The following PDSS2 variants were observed in gnomAD, a reference collection of about 807,000 sequenced individuals.
PDSS2 encodes all trans-polyprenyl-diphosphate synthase PDSS2.
A neutral mutation model predicts 44.5 loss-of-function variants in PDSS2; 31 were observed. The ratio of observed to expected loss-of-function variants is 0.70; its 90% CI spans 0.52 to 0.94. The LOEUF (loss-of-function observed/expected upper bound fraction) is 0.94, where lower values mean the gene tolerates loss of function less well. Ranked by LOEUF, PDSS2 falls within the 40% of genes least tolerant of loss-of-function variation. The probability of loss-of-function intolerance (pLI) is 0.00; values close to 1 mark genes in which losing one functional copy is unlikely to be tolerated. For synonymous variants in PDSS2, 157 were observed against 180.3 expected (o/e 0.87, Z 1.03); for missense variants, 452 against 482.2 (o/e 0.94, Z 0.59).
intron 2 of PDSS2, among the ~76,000 whole-genome samples, chr6:107,306,236 G>C (rs1432340362): frequency 6.6e-6 from 1 of 152,178 alleles, no homozygotes; most frequent in African/African-American, 2.4e-5. Flanking sequence ...CCCATGTGTT[G>C]TGGGAGGGAC....
chr6:107,237,063 G>T (rs115382150), intron 4 of PDSS2, among the ~76,000 whole-genome samples: 1 of 151,802 alleles, frequency 6.6e-6, no homozygotes, highest in African/African-American at 2.4e-5. Context: ...AGCCTCCCAA[G>T]TAGTTGGGAC....
chr6:107,156,911 TCCCATTGCCA>T (rs1430558039), intron 7 of PDSS2, among the ~76,000 whole-genome samples: 9 of 152,248 alleles, frequency 5.9e-5, no homozygotes, highest in Non-Finnish European at 1.0e-4. Flanking sequence ...TACTCCTCAT[TCCCATTGCCA>T]CTACATTAGT....
chr6:107,387,222 T>C (rs1779639605), intron 1 of PDSS2, among the ~76,000 whole-genome samples: 1 of 152,190 alleles, frequency 6.6e-6, no homozygotes, highest in African/African-American at 2.4e-5. Context: ...ACCAGAAAGA[T>C]TGGTTGACTG....
intron 3 of PDSS2, 133 bp downstream of exon 3, chr6:107,273,896 C>A: frequency 2.7e-6 from 2 of 733,414 alleles, no homozygotes; most frequent in Non-Finnish European, 4.9e-6. Context: ...TTATGTTCAT[C>A]ACAGTTTTAC....
intron 7 of PDSS2, among the ~76,000 whole-genome samples, chr6:107,190,465 T>C (rs1180408079): frequency 6.6e-6 from 1 of 152,154 alleles, no homozygotes; most frequent in East Asian, 1.9e-4. Context: ...GTACCAGATA[T>C]ACTAAGAGAA....
At chr6:107,162,687 C>T (rs1480304425) in intron 7 of PDSS2, among the ~76,000 whole-genome samples, 3 of 143,800 alleles carry the variant, frequency 2.1e-5, no homozygotes, top group Non-Finnish European at 3.0e-5. Context: ...AGCTCTGCAC[C>T]TCTGCCTCCT....
intron 7 of PDSS2, among the ~76,000 whole-genome samples, chr6:107,185,926 C>T (rs924985077): frequency 6.6e-6 from 1 of 152,198 alleles, no homozygotes; most frequent in Non-Finnish European, 1.5e-5. Context: ...TGCACTGGAG[C>T]AAAAGTGTTA....
intron 2 of PDSS2, among the ~76,000 whole-genome samples, chr6:107,326,439 T>G (rs2115196292): frequency 6.6e-6 from 1 of 152,046 alleles, no homozygotes; most frequent in African/African-American, 2.4e-5. Context: ...TAAAAGCACA[T>G]AGAGGACACA....
intron 1 of PDSS2, among the ~76,000 whole-genome samples, chr6:107,454,444 T>C (rs971668507): frequency 3.9e-5 from 6 of 152,234 alleles, no homozygotes; most frequent in Admixed American, 2.0e-4. Context: ...AAAATCTAGA[T>C]GAACAAGAGT....
intron 6 of PDSS2, among the ~76,000 whole-genome samples, chr6:107,197,324 G>A (rs1772598275): frequency 6.6e-6 from 1 of 151,772 alleles, no homozygotes; most frequent in South Asian, 2.1e-4. Flanking sequence ...CAGGTAGATC[G>A]TGTCAAAATA....
At chr6:107,374,540 T>TA (rs1172518662) in intron 1 of PDSS2, among the ~76,000 whole-genome samples, 2 of 152,172 alleles carry the variant, frequency 1.3e-5, no homozygotes, top group Non-Finnish European at 2.9e-5. Flanking sequence ...GCTTAACACT[T>TA]AGAGTGGTTA....
intron 5 of PDSS2, 137 bp from the exon 6 acceptor site, chr6:107,210,707 C>T: frequency 3.1e-6 from 2 of 653,458 alleles, no homozygotes; most frequent in Non-Finnish European, 5.4e-6. Context: ...CTTTAATAAA[C>T]AAAAGAATAT....
chr6:107,455,297 C>T (rs572513926), intron 1 of PDSS2, among the ~76,000 whole-genome samples: 3 of 150,560 alleles, frequency 2.0e-5, no homozygotes, highest in African/African-American at 4.9e-5. Context: ...AGACGAACTA[C>T]GGTTCTCAGA....
At chr6:107,398,515 TC>T in intron 1 of PDSS2, among the ~76,000 whole-genome samples, 1 of 152,024 alleles carries the variant, frequency 6.6e-6, no homozygotes, top group South Asian at 2.1e-4. Context: ...TCCTTGGGGG[TC>T]TTCAACTATT....
In PDSS2 at chr6:107,178,907, G is replaced by A. The variant is rs190569705; in HGVS notation, c.1041+14915C>T. 2.1e-3 allele frequency among the ~76,000 whole-genome samples: 323 copies of A among 152,312 alleles called. 1 individual carries two copies. The highest frequency in any genetic ancestry group is 0.017 in the Middle Eastern group (5 of 294). ...TACACATTGTGAAGTCAGCAGACCT[G>A]AGTAGAATCTTGACCCTGTGAGATA... is the stretch of plus-strand genomic sequence containing the variant. On this transcript the variant is annotated intron_variant, in intron 7 of 7. Transcript: ENST00000369037.
Position 107,163,600 on chromosome 6 carries a change from CTTT to C in PDSS2, c.1042-8826_1042-8824del, listed in dbSNP as rs1174942612. ...CTATCTTGAAAAGAATGATCTTGTT[CTTT>C]TTTTTTTTTTCTTTTTTGAGACGGA... is the stretch of plus-strand genomic sequence containing the variant. On this transcript the variant is annotated intron_variant, in intron 7 of 7. Coordinates refer to ENST00000369037, the MANE Select transcript of PDSS2 (RefSeq NM_020381.4). Among the ~76,000 whole-genome samples the C allele has an allele frequency of 1.7e-4, 24 of 145,176 alleles. 1 individual carries two copies. The highest frequency in any genetic ancestry group is 4.5e-4 in the African/African-American group (18 of 39,774).
chr6:107,178,195 C>T (rs1346398390), intron 7 of PDSS2, among the ~76,000 whole-genome samples: 2 of 152,110 alleles, frequency 1.3e-5, no homozygotes, highest in Non-Finnish European at 1.5e-5. Flanking sequence ...CAAGAAAGCA[C>T]CTCAAACGAC....
intron 4 of PDSS2, among the ~76,000 whole-genome samples, chr6:107,226,756 G>A (rs371424175): frequency 6.8e-6 from 1 of 147,552 alleles, no homozygotes. Flanking sequence ...TGCAACCTCC[G>A]CCTCTGGGGT....
At position 107,212,156 on chromosome 6, in the gene PDSS2, G is replaced by C. The variant is rs867166475; in HGVS notation, c.829C>G (p.Gln277Glu). ...MELAKHDAEV[Q>E]NMAFQYGKHM... The stretch of plus-strand genomic sequence containing the variant: ...TTCCCATACTGAAATGCCATATTCT[G>C]AACCTCAGCATCATGCTTTGCTAAT... The change falls in exon 5 of 8, where the codon CAG becomes GAG. Residue 277 changes from glutamine (Q) to glutamate (E), a missense_variant. Gln to Glu is a conservative substitution (Grantham distance 29). Coordinates refer to ENST00000369037, the MANE Select transcript of PDSS2 (RefSeq NM_020381.4). 6 of 1,614,074 alleles carry C rather than the reference G, an allele frequency of 3.7e-6. 1 individual carries two copies. Among genetic ancestry groups the C allele is most frequent in the South Asian group, 3.3e-5 (3 of 91,086 alleles).
Sources: allele counts gnomAD v4.1 joint callset (sites outside exome capture counted in the v4.1 genomes callset), GRCh38; gene constraint gnomAD v4.1.1; transcripts MANE v1.5; gene names NCBI Gene and HGNC (gene_info 2026-07-23, HGNC 2026-07-21).